Variants in CATIP observed in about 807,000 individuals in gnomAD.
CATIP encodes the protein ciliogenesis associated TTC17 interacting protein.
Under a neutral mutation model 42.5 loss-of-function variants are expected in CATIP, and 40 were observed. That is an observed-to-expected ratio of 0.94 (90% CI 0.73 to 1.22). CATIP has a LOEUF of 1.22. Among genes scored for constraint, CATIP ranks in the 50% most tolerant of loss-of-function variants. The pLI is 0.00. For synonymous variants in CATIP, 222 were observed against 200.2 expected (o/e 1.11, Z -0.92); for missense variants, 489 against 496.0 (o/e 0.99, Z 0.13).
In CATIP at chr2:218,364,662, A is replaced by G. The variant is rs1198485531; in HGVS notation, c.665A>G (p.His222Arg). Residue 222 changes from histidine to arginine, a missense_variant, in exon 7 of 10, where the codon CAT becomes CGT. Transcript: ENST00000289388. ...NLGFQTIQVD[H>R]QQAEVFIVEQ... Reference sequence around the variant, plus strand: ...GGCTTCCAGACCATCCAGGTAGACCATCAGCAGGCTGAAGTCTTCATCGTG... The same window carrying G: ...GGCTTCCAGACCATCCAGGTAGACCGTCAGCAGGCTGAAGTCTTCATCGTG... 1 of 1,614,106 alleles carries G rather than the reference A, an allele frequency of 6.2e-7. No individual in the cohort carries two copies. The highest frequency in any genetic ancestry group is 8.5e-7 in the Non-Finnish European group (1 of 1,179,980).
At chr2:218,364,776 GA>G (rs2106316674) in intron 7 of CATIP, 24 bp downstream of exon 7, 1 of 1,606,786 alleles carries the variant, frequency 6.2e-7, no homozygotes, top group East Asian at 2.2e-5. Flanking sequence ...GGTGGGCCCA[GA>G]GGGGTGGTGC....
At chr2:218,366,455 C>T (rs1695444354) in intron 7 of CATIP, 1 of 159,306 alleles carries the variant, frequency 6.3e-6, no homozygotes, top group Admixed American at 6.0e-5. Context: ...AGTGCTGTAC[C>T]TCTAAAGATC....
intron 3 of CATIP, 130 bp downstream of exon 3, chr2:218,357,864 G>C: frequency 9.0e-7 from 1 of 1,115,946 alleles, no homozygotes. Flanking sequence ...CACGGGGTGG[G>C]AGAGGGATGA....
At chr2:218,362,672 C>T in intron 5 of CATIP, 63 bp from the exon 6 acceptor site, 1 of 1,515,410 alleles carries the variant, frequency 6.6e-7, no homozygotes, top group Non-Finnish European at 9.0e-7. Context: ...CCTGGCTTGC[C>T]CACCCTCCTG....
intron 2 of CATIP, 71 bp downstream of exon 2, chr2:218,357,258 A>ACTCT (rs1184561343): frequency 1.8e-6 from 1 of 556,112 alleles, no homozygotes; most frequent in Non-Finnish European, 2.7e-6. Context: ...AAGAAAGTCC[A>ACTCT]GTCTCTCTCT....
In CATIP at chr2:218,364,688, G is replaced by A. The variant is rs866533543; in HGVS notation, c.691G>A (p.Glu231Lys). 6.2e-7 allele frequency: 1 copy of A among 1,614,062 alleles called. No individual in the cohort carries two copies. The highest frequency in any genetic ancestry group is 8.5e-7 in the Non-Finnish European group (1 of 1,179,972). ...TCAGCAGGCTGAAGTCTTCATCGTGGAGCAGACTGTCCACGCGGAGGAGGG... is the reference window on the plus strand; with the variant it reads ...TCAGCAGGCTGAAGTCTTCATCGTGAAGCAGACTGTCCACGCGGAGGAGGG... ...DHQQAEVFIVEQTVHAEEGIP... is the reference protein window; with the variant it reads ...DHQQAEVFIVKQTVHAEEGIP... Residue 231 changes from glutamate (E) to lysine (K), a missense_variant, in exon 7 of 10, where the codon GAG becomes AAG. Glu to Lys is a moderately conservative substitution (Grantham distance 56, BLOSUM62 1). Coordinates refer to ENST00000289388, the MANE Select transcript of CATIP (RefSeq NM_198559.2).
At chr2:218,358,943 G>T (rs67022388) in intron 4 of CATIP, among the ~76,000 whole-genome samples, 1 of 151,070 alleles carries the variant, frequency 6.6e-6, no homozygotes, top group Non-Finnish European at 1.5e-5. Context: ...GGTGGCTCAC[G>T]CCTGTAATCC....
At chr2:218,366,791 TG>T (rs1695457330) in intron 7 of CATIP, 1 of 516,532 alleles carries the variant, frequency 1.9e-6, no homozygotes, top group Admixed American at 3.0e-5. Flanking sequence ...TGTCCTCACA[TG>T]GCCTTTCTTC....
chr2:218,365,688 G>T (rs1695406897), intron 7 of CATIP: 1 of 152,204 alleles, frequency 6.6e-6, no homozygotes, highest in Admixed American at 6.6e-5. Context: ...AGCCTTCCTA[G>T]TAGCTGGGAC....
At chr2:218,363,895 T>G (rs546225560) in intron 6 of CATIP, among the ~76,000 whole-genome samples, 5 of 152,348 alleles carry the variant, frequency 3.3e-5, no homozygotes, top group African/African-American at 9.6e-5. Flanking sequence ...CTTTATTATT[T>G]CTTAACCCCA....
chr2:218,367,593 G>C, intron 9 of CATIP, 75 bp downstream of exon 9: 3 of 1,603,532 alleles, frequency 1.9e-6, no homozygotes, highest in Non-Finnish European at 2.6e-6. Flanking sequence ...CTCTGCACCT[G>C]ATTGAAATGC....
Position 218,357,111 on chromosome 2 carries a change from C to A in CATIP, c.42C>A (p.Asp14Glu). 6.2e-7 allele frequency: 1 copy of A among 1,613,724 alleles called. No homozygotes were observed. The highest frequency in any genetic ancestry group is 8.5e-7 in the Non-Finnish European group (1 of 1,179,770). Reference sequence around the variant, plus strand: ...CCTCTGTAGGCTCCAGAGCTAAGGACCACCAGCCCTCGGGTCCGGAGTGTC... The same window carrying A: ...CCTCTGTAGGCTCCAGAGCTAAGGAACACCAGCCCTCGGGTCCGGAGTGTC... The part of the protein sequence containing the change: ...KVYSTGSRAK[D>E]HQPSGPECLP... Residue 14 changes from aspartate to glutamate, a missense_variant, in exon 2 of 10, where the codon GAC (aspartate) becomes GAA (glutamate). Physicochemically the swap from Asp to Glu is conservative, Grantham distance 45 (BLOSUM62 2). Coordinates refer to ENST00000289388, the MANE Select transcript of CATIP (RefSeq NM_198559.2).
At chr2:218,359,364 A>AAAAAAAAAAAAAAAGG (rs1695155999) in intron 4 of CATIP, among the ~76,000 whole-genome samples, 2 of 144,674 alleles carry the variant, frequency 1.4e-5, no homozygotes, top group Admixed American at 7.0e-5. Flanking sequence ...AAAAAAAAAA[A>AAAAAAAAAAAAAAAGG]TGTTGGGGAT....
chr2:218,360,671 A>G lies in CATIP; in HGVS notation c.462+12A>G, dbSNP rs1473874973. The G allele has an allele frequency of 6.3e-6, 10 of 1,599,562 alleles. No homozygotes were observed. The Admixed American group carries it at 1.3e-4, about 21-fold the overall frequency. On this transcript the variant is annotated intron_variant, in intron 5 of 9. Transcript: ENST00000289388. ...TCAAGGAGGGTGAGGTAAGGATGAG[A>G]GCCAGATGGGAGTTGCACTACACAC...
chr2:218,363,225 A>G (rs753289400), intron 6 of CATIP, among the ~76,000 whole-genome samples: 5 of 152,158 alleles, frequency 3.3e-5, no homozygotes, highest in African/African-American at 4.8e-5. Context: ...TCACGCCTGT[A>G]ATCCCAGCAC....
At chr2:218,367,620 G>A in intron 9 of CATIP, 102 bp downstream of exon 9, 1 of 1,596,774 alleles carries the variant, frequency 6.3e-7, no homozygotes, top group Non-Finnish European at 8.6e-7. Context: ...GTAGGGGCTA[G>A]AAGGCTCCAG....
At position 218,360,445 on chromosome 2, in the gene CATIP, C is replaced by T. The variant is rs891176648; in HGVS notation, c.376-128C>T. On this transcript the variant is annotated intron_variant, in intron 4 of 9. Transcript: ENST00000289388. ...GATTACAGGCGTGAGCCACTGTGCC[C>T]GGCCCGGCTGCTTTTTTTTTAAGTC... The T allele has an allele frequency of 1.3e-5, 9 of 701,646 alleles. 1 individual carries two copies. Among genetic ancestry groups the T allele is most frequent in the South Asian group, 5.3e-5 (3 of 56,222 alleles). 43.5% of individuals were successfully genotyped at this position (701,646 alleles called of 1,614,324 possible). A position where few individuals can be genotyped will look rare whatever the true frequency, so the allele number is the denominator to read the frequency against.
At chr2:218,367,285 G>T (rs547999819) in intron 8 of CATIP, 145 bp from the exon 9 acceptor site, 12 of 836,432 alleles carry the variant, frequency 1.4e-5, no homozygotes, top group Admixed American at 2.3e-5. Context: ...TTTCCTACTG[G>T]AAGTCCCTTC....
rs868213722 is a variant in CATIP at position 218,363,277 on chromosome 2, T to G, written c.630+375T>G. Among the ~76,000 whole-genome samples, 24 of 150,676 alleles carry G rather than the reference T, an allele frequency of 1.6e-4. 1 individual carries two copies. The highest frequency in any genetic ancestry group is 5.9e-4 in the Admixed American group (9 of 15,150). The stretch of plus-strand genomic sequence containing the variant: ...GGGCCGATCACAAGGTCAGGAGATC[T>G]AGACCATCCTGGCTAACATGGTGAA... On this transcript the variant is annotated intron_variant, in intron 6 of 9. Coordinates refer to ENST00000289388, the MANE Select transcript of CATIP (RefSeq NM_198559.2).
Sources: gnomAD v4.1 joint callset for allele counts (sites outside exome capture counted in the v4.1 genomes callset) on GRCh38, gnomAD v4.1.1 for gene constraint, MANE v1.5 for transcripts, NCBI Gene and HGNC (gene_info 2026-07-23, HGNC 2026-07-21) for gene names.